The following PLA2G4C variants were observed in gnomAD, a reference collection of about 807,000 sequenced individuals.
PLA2G4C encodes phospholipase A2 group IVC, also known as cytosolic phospholipase A2 gamma.
A neutral mutation model predicts 73.8 loss-of-function variants in PLA2G4C; 64 were observed. The observed-to-expected ratio is 0.87, with a 90% confidence interval of 0.71 to 1.07. The LOEUF (loss-of-function observed/expected upper bound fraction) is 1.07. Among genes scored for constraint, PLA2G4C ranks in the 50% least tolerant of loss-of-function variants. The pLI, the probability that PLA2G4C is intolerant of heterozygous loss-of-function variation, is 0.00. For synonymous variants in PLA2G4C, 254 were observed against 252.1 expected, an observed-to-expected ratio of 1.01 and a Z score of -0.07; for missense variants, 622 against 665.4, an observed-to-expected ratio of 0.93 and a Z score of 0.72.
chr19:48,067,713 C>T (rs1600181000), intron 13 of PLA2G4C, 78 bp downstream of exon 13: 3 of 971,264 alleles, frequency 3.1e-6, no homozygotes, highest in East Asian at 2.4e-5. Context: ...GGGATTGTTT[C>T]AGGCCCACCC....
chr19:48,084,067 T>A (rs1209804184), intron 10 of PLA2G4C, among the ~76,000 whole-genome samples: 1 of 149,412 alleles, frequency 6.7e-6, no homozygotes, highest in Non-Finnish European at 1.5e-5. Context: ...TGTGTGTGTG[T>A]GTGTGTGTGT....
chr19:48,102,840 T>C (rs2031985168), intron 4 of PLA2G4C, among the ~76,000 whole-genome samples: 1 of 152,230 alleles, frequency 6.6e-6, no homozygotes, highest in Admixed American at 6.5e-5. Flanking sequence ...TTCCATTTCC[T>C]CTGTGTGTCG....
At chr19:48,105,933 C>T (rs1231186531) in intron 2 of PLA2G4C, among the ~76,000 whole-genome samples, 336 of 12,876 alleles carry the variant, frequency 0.026, 63 homozygotes, top group East Asian at 0.15. Flanking sequence ...CTCCCTCCCT[C>T]CCTCCCTCCC....
intron 10 of PLA2G4C, among the ~76,000 whole-genome samples, chr19:48,081,795 T>C (rs924631995): frequency 3.0e-5 from 4 of 134,902 alleles, no homozygotes; most frequent in African/African-American, 1.0e-4. Flanking sequence ...ACACTACACA[T>C]TGGGGCCAGG....
Position 48,066,489 on chromosome 19 carries a change from C to T in PLA2G4C, c.1102+1302G>A, listed in dbSNP as rs192818828. On this transcript the variant is annotated intron_variant, in intron 13 of 16. Transcript: ENST00000599921. Reference sequence around the variant, plus strand: ...GAAGTCCTGTGTGCCTTGTAGGAAGCACCCCAGGAGAGGTGAGCAGGACTG... The same window carrying T: ...GAAGTCCTGTGTGCCTTGTAGGAAGTACCCCAGGAGAGGTGAGCAGGACTG... 1.1e-3 allele frequency among the ~76,000 whole-genome samples: 171 copies of T among 152,108 alleles called. 1 individual carries two copies. The highest frequency in any genetic ancestry group is 3.7e-3 in the African/African-American group (153 of 41,468).
Position 48,067,834 on chromosome 19 carries a change from T to G in PLA2G4C, c.1059A>C (p.Ser353=). 1 of 1,613,916 alleles carries G rather than the reference T, an allele frequency of 6.2e-7. No individual in the cohort carries two copies. The highest frequency in any genetic ancestry group is 8.5e-7 in the Non-Finnish European group (1 of 1,179,820). Residue 353 remains serine, a synonymous_variant, in exon 13 of 17, where the codon TCA becomes TCC. Coordinates refer to ENST00000599921, the MANE Select transcript of PLA2G4C (RefSeq NM_003706.3). ...TGTGAGTGGTCCCCCATTCCCACTT[T>G]GAAGCGCAAATGCCTGTTTTCTTCA... The part of the protein sequence containing the change: ...DFVKKTGICA[S]KWEWGTTHNF...
chr19:48,105,410 C>T lies in PLA2G4C; in HGVS notation c.43G>A (p.Glu15Lys), dbSNP rs755686933. ...CGTCTCTCCACGGCCGCCTTTTCTT[C>T]TTTCTGGAGCCCAGGAATTATGGAA... Reference protein sequence around the residue: ...EVSIIPGLQKEEKAAVERRRL... With the variant: ...EVSIIPGLQKKEKAAVERRRL... The change falls in exon 3 of 17, where the codon GAA becomes AAA. Residue 15 changes from glutamate (E) to lysine (K), a missense_variant. Coordinates refer to ENST00000599921, the MANE Select transcript of PLA2G4C (RefSeq NM_003706.3). 7 of 1,613,908 alleles carry T rather than the reference C, an allele frequency of 4.3e-6. No individual in the cohort carries two copies. The highest frequency in any genetic ancestry group is 5.9e-6 in the Non-Finnish European group (7 of 1,179,910).
At chr19:48,064,723 T>C (rs768175466) in intron 13 of PLA2G4C, 3 of 152,150 alleles carry the variant, frequency 2.0e-5, no homozygotes, top group Non-Finnish European at 2.9e-5. Flanking sequence ...CACATCTGCA[T>C]GATAAAACTT....
chr19:48,052,958 C>T (rs150885507), intron 16 of PLA2G4C, 39 bp downstream of exon 16: 53 of 1,567,824 alleles, frequency 3.4e-5, no homozygotes, highest in Admixed American at 5.3e-5. Flanking sequence ...ACTTACTGAA[C>T]GAGCATAGGC....
chr19:48,092,450 TAGACCCATGTGC>T (rs1568446276), intron 7 of PLA2G4C, among the ~76,000 whole-genome samples: 1 of 152,216 alleles, frequency 6.6e-6, no homozygotes, highest in Non-Finnish European at 1.5e-5. Context: ...GAGATATTCA[TAGACCCATGTGC>T]ATGGCAGGTT....
chr19:48,054,136 G>A (rs540730006), intron 15 of PLA2G4C, among the ~76,000 whole-genome samples: 6 of 152,156 alleles, frequency 3.9e-5, no homozygotes, highest in African/African-American at 7.2e-5. Flanking sequence ...AGCTCCATTC[G>A]GCCTGGCCTG....
chr19:48,088,584 C>A, intron 9 of PLA2G4C, 102 bp downstream of exon 9: 1 of 807,138 alleles, frequency 1.2e-6, no homozygotes, highest in Non-Finnish European at 2.2e-6. Flanking sequence ...AAATGGGCAC[C>A]AAATGAATCA....
At chr19:48,060,856 T>G (rs1368886453) in intron 14 of PLA2G4C, among the ~76,000 whole-genome samples, 1 of 152,108 alleles carries the variant, frequency 6.6e-6, no homozygotes, top group Non-Finnish European at 1.5e-5. Context: ...TGTAAACTGA[T>G]AGAAGTGTGT....
intron 10 of PLA2G4C, among the ~76,000 whole-genome samples, chr19:48,083,435 TTTCTTTTTCTTTTTTC>T: frequency 7.0e-6 from 1 of 142,866 alleles, no homozygotes; most frequent in African/African-American, 2.7e-5. Flanking sequence ...TTTTTTTCTT[TTTCTTTTTCTTTTTTC>T]TTTTTTTTTT....
At chr19:48,064,239 A>G (rs1379132842) in intron 13 of PLA2G4C, among the ~76,000 whole-genome samples, 2 of 151,870 alleles carry the variant, frequency 1.3e-5, no homozygotes, top group Non-Finnish European at 2.9e-5. Flanking sequence ...GACCAGCCTG[A>G]CCAACATGGT....
chr19:48,054,118 C>T (rs1967835729), intron 15 of PLA2G4C, among the ~76,000 whole-genome samples: 2 of 152,290 alleles, frequency 1.3e-5, no homozygotes, highest in South Asian at 4.1e-4. Flanking sequence ...GTCCCCAGGG[C>T]ACAGCACAGC....
intron 7 of PLA2G4C, among the ~76,000 whole-genome samples, chr19:48,090,816 G>C (rs34895935): frequency 6.6e-6 from 1 of 152,014 alleles, no homozygotes; most frequent in Non-Finnish European, 1.5e-5. Context: ...CACTGCTGGG[G>C]GGACTTCTGC....
chr19:48,062,143 CG>C lies in PLA2G4C; in HGVS notation c.1111del (p.Arg371GlyfsTer4). 6.3e-7 allele frequency: 1 copy of C among 1,576,144 alleles called. No homozygotes were observed. The highest frequency in any genetic ancestry group is 8.6e-7 in the Non-Finnish European group (1 of 1,159,398). On this transcript the variant is annotated frameshift_variant, in exon 14 of 17. Transcript: ENST00000599921. LOFTEE classifies it high-confidence loss of function. ...CTTCCGGCTGCTCATTATCTTGTCCCGGATGCCACCTGTGGTGCCCAGGAAG... is the reference window on the plus strand; with the variant it reads ...CTTCCGGCTGCTCATTATCTTGTCCCGATGCCACCTGTGGTGCCCAGGAAG... ...HNFLYKHGGI[R>X]DKIMSSRKHL...
intron 9 of PLA2G4C, 39 bp from the exon 10 acceptor site, chr19:48,085,151 T>G (rs2030901796): frequency 7.0e-7 from 1 of 1,431,358 alleles, no homozygotes; most frequent in Non-Finnish European, 9.9e-7. Flanking sequence ...ACATTCTCCA[T>G]CACATGACTG....
Sources: gnomAD v4.1 joint callset for allele counts (sites outside exome capture counted in the v4.1 genomes callset) on GRCh38, gnomAD v4.1.1 for gene constraint, MANE v1.5 for transcripts, NCBI Gene and HGNC (gene_info 2026-07-23, HGNC 2026-07-21) for gene names.